Variants in RAPGEF5 observed in about 807,000 individuals in gnomAD.
The protein encoded by RAPGEF5 is Rap guanine nucleotide exchange factor 5.
Under a neutral mutation model 125.2 loss-of-function variants are expected in RAPGEF5, and 65 were observed. The observed-to-expected ratio is 0.52, with a 90% CI of 0.43 to 0.64. RAPGEF5 has a LOEUF of 0.64. RAPGEF5 is among the 30% of genes least tolerant of loss of function. The pLI is 0.00. For missense variants in RAPGEF5, 958 were observed against 1,048.1 expected (o/e 0.91, Z 1.19); for synonymous variants, 391 against 385.9 (o/e 1.01, Z -0.16).
In RAPGEF5 at chr7:22,162,504, A is replaced by C; in HGVS notation, c.1321T>G (p.Ser441Ala). ...AKKYQGKEENSDVPRRKRKVL... is the reference protein window; with the variant it reads ...AKKYQGKEENADVPRRKRKVL... ...TTACGTTTCCTACGCGGAACGTCTG[A>C]GTTTTCCTCTTTGCCTTGATACTTC... The change falls in exon 13 of 26, where the codon TCA (serine) becomes GCA (alanine). Residue 441 changes from serine to alanine, a missense_variant. Physicochemically the swap from Ser to Ala is moderately conservative, Grantham distance 99 (BLOSUM62 1). Transcript: ENST00000665637. 1 of 1,609,824 alleles carries C rather than the reference A, an allele frequency of 6.2e-7. No individual in the cohort carries two copies. The highest frequency in any genetic ancestry group is 8.5e-7 in the Non-Finnish European group (1 of 1,176,176).
chr7:22,350,001 C>T (rs1784298932), intron 1 of RAPGEF5, among the ~76,000 whole-genome samples: 1 of 152,190 alleles, frequency 6.6e-6, no homozygotes, highest in Non-Finnish European at 1.5e-5. Context: ...GAATGATTTA[C>T]CATAATAATG....
At chr7:22,154,179 G>A (rs148627742) in intron 17 of RAPGEF5, among the ~76,000 whole-genome samples, 409 of 152,134 alleles carry the variant, frequency 2.7e-3, no homozygotes, top group African/African-American at 8.7e-3. Context: ...AAAATAGAAG[G>A]CTTATCTAGA....
intron 9 of RAPGEF5, among the ~76,000 whole-genome samples, chr7:22,215,884 T>C (rs1785625970): frequency 6.6e-6 from 1 of 152,218 alleles, no homozygotes; most frequent in Admixed American, 6.5e-5. Context: ...AGATAAATAC[T>C]AACATCTCAG....
chr7:22,214,684 G>A (rs1193381097), intron 9 of RAPGEF5, among the ~76,000 whole-genome samples: 8 of 136,624 alleles, frequency 5.9e-5, no homozygotes, highest in Non-Finnish European at 1.1e-4. Context: ...CTGCATTCCC[G>A]CCCCCCAACC....
rs774455785 is a variant in RAPGEF5 at position 22,147,008 on chromosome 7, T to C, written c.1896A>G (p.Ala632=). ...ACCTTTGCTGTGATTCCTCATTTTC[T>C]GCAAATGGGTTCTAAACCAACAGAA... ...KDLADTLNPF[A]ENEESQQRSM... The change falls in exon 19 of 26, where the codon GCA becomes GCG. Residue 632 remains alanine, a synonymous_variant. Coordinates refer to ENST00000665637, the MANE Select transcript of RAPGEF5 (RefSeq NM_012294.5). The C allele has an allele frequency of 9.9e-6, 16 of 1,613,250 alleles. No individual in the cohort carries two copies. The Admixed American group carries it at 2.7e-4, about 27-fold the overall frequency.
intron 9 of RAPGEF5, among the ~76,000 whole-genome samples, chr7:22,214,960 T>C (rs969674480): frequency 6.6e-6 from 1 of 152,158 alleles, no homozygotes; most frequent in Non-Finnish European, 1.5e-5. Flanking sequence ...ATATAATTTA[T>C]CTCATGAAGG....
chr7:22,240,668 T>C (rs1786308592), intron 7 of RAPGEF5, among the ~76,000 whole-genome samples: 1 of 152,146 alleles, frequency 6.6e-6, no homozygotes, highest in Non-Finnish European at 1.5e-5. Context: ...CCACCATGAC[T>C]AGCCAGCTTT....
chr7:22,335,343 C>T (rs1583587239), intron 1 of RAPGEF5, among the ~76,000 whole-genome samples: 1 of 152,310 alleles, frequency 6.6e-6, no homozygotes, highest in African/African-American at 2.4e-5. Flanking sequence ...GGACTTCACA[C>T]ACATAGAAAT....
intron 9 of RAPGEF5, 66 bp from the exon 10 acceptor site, chr7:22,194,099 G>A: frequency 5.1e-6 from 7 of 1,362,860 alleles, no homozygotes; most frequent in Non-Finnish European, 7.2e-6. Context: ...AAAGTGGGGG[G>A]AAAATGGAGC....
chr7:22,181,626 T>C (rs1410977220), intron 11 of RAPGEF5, among the ~76,000 whole-genome samples: 1 of 152,184 alleles, frequency 6.6e-6, no homozygotes, highest in Non-Finnish European at 1.5e-5. Flanking sequence ...TTCTGGGATT[T>C]TGGTTGTTGT....
At chr7:22,346,699 C>G (rs56281265) in intron 1 of RAPGEF5, among the ~76,000 whole-genome samples, 35 of 152,180 alleles carry the variant, frequency 2.3e-4, no homozygotes, top group Non-Finnish European at 3.4e-4. Flanking sequence ...AGTTGCTAGA[C>G]CAGTTGGAAA....
intron 23 of RAPGEF5, among the ~76,000 whole-genome samples, chr7:22,132,425 T>C (rs1043827284): frequency 2.6e-5 from 4 of 152,172 alleles, no homozygotes; most frequent in Admixed American, 6.5e-5. Context: ...GGAAAACGAT[T>C]CACAACTAAT....
chr7:22,292,816 A>C (rs1357644057), intron 5 of RAPGEF5, among the ~76,000 whole-genome samples: 1 of 152,236 alleles, frequency 6.6e-6, no homozygotes, highest in African/African-American at 2.4e-5. Flanking sequence ...AGACCCCAAC[A>C]GACACCCGAA....
intron 2 of RAPGEF5, among the ~76,000 whole-genome samples, chr7:22,317,622 A>C (rs1369820468): frequency 5.3e-5 from 8 of 151,998 alleles, no homozygotes; most frequent in Admixed American, 5.2e-4. Flanking sequence ...TTTACACAAA[A>C]CTCAGTGTAA....
chr7:22,275,313 C>A (rs560112948), intron 6 of RAPGEF5, among the ~76,000 whole-genome samples: 5 of 152,306 alleles, frequency 3.3e-5, no homozygotes, highest in African/African-American at 1.2e-4. Context: ...CTGAAATGGA[C>A]TTCTTTATTC....
At chr7:22,308,318 C>A in intron 5 of RAPGEF5, 21 bp downstream of exon 5, 2 of 1,566,360 alleles carry the variant, frequency 1.3e-6, no homozygotes, top group South Asian at 2.4e-5. Flanking sequence ...AATACAATGG[C>A]ACAAGAGAGC....
chr7:22,124,547 C>T (rs970766443), intron 25 of RAPGEF5, among the ~76,000 whole-genome samples: 4 of 152,122 alleles, frequency 2.6e-5, no homozygotes, highest in South Asian at 2.1e-4. Context: ...ATATTGCCAG[C>T]CTAGACCAGC....
At chr7:22,231,535 C>A (rs1319637036) in intron 7 of RAPGEF5, among the ~76,000 whole-genome samples, 2 of 152,084 alleles carry the variant, frequency 1.3e-5, no homozygotes, top group Admixed American at 1.3e-4. Context: ...TAATCAGTCT[C>A]AAAAAATATA....
intron 7 of RAPGEF5, among the ~76,000 whole-genome samples, chr7:22,245,187 A>C (rs1786443895): frequency 6.6e-6 from 1 of 152,104 alleles, no homozygotes; most frequent in African/African-American, 2.4e-5. Context: ...TGTTGTTTCA[A>C]TTCTTTATAT....
Sources: allele counts gnomAD v4.1 joint callset (sites outside exome capture counted in the v4.1 genomes callset), GRCh38; gene constraint gnomAD v4.1.1; transcripts MANE v1.5; gene names NCBI Gene and HGNC (gene_info 2026-07-23, HGNC 2026-07-21).